Variants in ZNF730 observed in about 807,000 individuals in gnomAD.
ZNF730 encodes the protein putative zinc finger protein 730.
Under a neutral mutation model 12.6 loss-of-function variants are expected in ZNF730, and 12 were observed. That is an observed-to-expected ratio of 0.95 (90% confidence interval 0.61 to 1.54). The LOEUF (loss-of-function observed/expected upper bound fraction) is 1.54. ZNF730 is among the 40% of genes most tolerant of loss of function. The probability of loss-of-function intolerance (pLI) is 0.00; values close to 1 mark genes in which losing one functional copy is unlikely to be tolerated. For missense variants in ZNF730, 643 were observed against 583.5 expected, an observed-to-expected ratio of 1.10 and a Z score of -1.05; for synonymous variants, 194 against 195.8, an observed-to-expected ratio of 0.99 and a Z score of 0.08.
intron 1 of ZNF730, among the ~76,000 whole-genome samples, chr19:23,091,560 G>C (rs1371178352): frequency 6.6e-6 from 1 of 152,206 alleles, no homozygotes; most frequent in African/African-American, 2.4e-5. Context: ...AGCTGTTCCG[G>C]ATCATGGGAA....
intron 1 of ZNF730, among the ~76,000 whole-genome samples, chr19:23,085,609 G>T (rs1226829101): frequency 4.3e-5 from 6 of 139,782 alleles, no homozygotes; most frequent in African/African-American, 1.6e-4. Context: ...CTCCCAGATT[G>T]AAGCGATTCT....
intron 1 of ZNF730, among the ~76,000 whole-genome samples, chr19:23,111,866 G>A (rs1045569947): frequency 1.5e-5 from 1 of 66,052 alleles, no homozygotes; most frequent in African/African-American, 5.7e-5. Context: ...AAAATATGTT[G>A]GCCATTTAAA....
At chr19:23,092,908 C>A (rs1389860003) in intron 1 of ZNF730, among the ~76,000 whole-genome samples, 1 of 152,100 alleles carries the variant, frequency 6.6e-6, no homozygotes, top group Non-Finnish European at 1.5e-5. Context: ...TTGTTGTACT[C>A]TGTTGGGTTT....
intron 3 of ZNF730, among the ~76,000 whole-genome samples, chr19:23,144,614 C>T (rs938249392): frequency 2.1e-5 from 3 of 142,440 alleles, no homozygotes; most frequent in African/African-American, 5.1e-5. Flanking sequence ...TCAGGAGAAT[C>T]GCCTGAACCT....
rs113278715 is a variant in ZNF730, at chr19:23,094,208, T to G, written c.-94+18821T>G. Among the ~76,000 whole-genome samples the G allele has an allele frequency of 2.4e-3, 352 of 149,170 alleles. 3 individuals carry two copies. The highest frequency in any genetic ancestry group is 7.6e-3 in the African/African-American group (308 of 40,604). On this transcript the variant is annotated intron_variant, in intron 1 of 2. Transcript: ENST00000593635. ...GTTTCCACAGTACATTGAATTGCTG[T>G]TTTTTTTTTCTTTCTTTTCTCTCTG...
At chr19:23,138,282 CAAAAA>C (rs1315758966) in intron 3 of ZNF730, among the ~76,000 whole-genome samples, 1 of 9,460 alleles carries the variant, frequency 1.1e-4, no homozygotes, top group African/African-American at 2.6e-4. Context: ...GACTCCGTCT[CAAAAA>C]AAAAAAAAAA....
chr19:23,146,143 C>T lies in ZNF730; in HGVS notation c.1099C>T (p.Pro367Ser). ...TAAGATAACTCATACTGGAGGGAAA[C>T]CCTACAAATATAAAGAATGTGGTAA... ...RHKITHTGGK[P>S]YKYKECGKAF... is the part of the protein sequence containing the mutation. Residue 367 changes from proline (P) to serine (S), a missense_variant, in exon 4 of 4, where the codon CCC becomes TCC. Coordinates refer to ENST00000597761, the MANE Select transcript of ZNF730 (RefSeq NM_001277403.2). The T allele has an allele frequency of 1.2e-6, 2 of 1,607,900 alleles. No individual in the cohort carries two copies. The highest frequency in any genetic ancestry group is 1.7e-6 in the Non-Finnish European group (2 of 1,176,892).
intron 1 of ZNF730, among the ~76,000 whole-genome samples, chr19:23,078,258 A>G (rs561606847): frequency 6.3e-4 from 96 of 152,136 alleles, no homozygotes; most frequent in Admixed American, 1.4e-3. Context: ...TTTATAGTAG[A>G]ATATAGTAGA....
At chr19:23,114,497 ATTTTTATTTTATTTAT>A (rs1568309621), upstream of ZNF730, among the ~76,000 whole-genome samples, 1 of 120,142 alleles carries the variant, frequency 8.3e-6, no homozygotes, top group African/African-American at 2.6e-5. Context: ...ATTTATTTTT[ATTTTTATTTTATTTAT>A]TTTTATTTAT....
intron 1 of ZNF730, among the ~76,000 whole-genome samples, chr19:23,119,309 AGTTT>A (rs1350352906): frequency 2.0e-5 from 3 of 152,206 alleles, no homozygotes; most frequent in African/African-American, 4.8e-5. Flanking sequence ...TTTTATCTGT[AGTTT>A]GTTTATCTGA....
At chr19:23,077,573 G>A (rs1229840880) in intron 1 of ZNF730, among the ~76,000 whole-genome samples, 1 of 151,600 alleles carries the variant, frequency 6.6e-6, no homozygotes, top group African/African-American at 2.4e-5. Context: ...GAGTAGCTGG[G>A]ATTATAGGCA....
chr19:23,083,557 G>A (rs375696075), intron 1 of ZNF730, among the ~76,000 whole-genome samples: 94 of 150,600 alleles, frequency 6.2e-4, no homozygotes, highest in African/African-American at 2.2e-3. Context: ...CCAACAGTGT[G>A]TATGTGTTTC....
chr19:23,105,393 G>A (rs1001300722), intron 1 of ZNF730, among the ~76,000 whole-genome samples: 56 of 151,932 alleles, frequency 3.7e-4, no homozygotes, highest in African/African-American at 9.9e-4. Context: ...GATTACAGGC[G>A]TGAGCTACCA....
At chr19:23,100,191 C>T (rs1970314236) in intron 1 of ZNF730, 1 of 152,162 alleles carries the variant, frequency 6.6e-6, no homozygotes, top group Non-Finnish European at 1.5e-5. Flanking sequence ...CTTCCTGGTC[C>T]ATGCCCTCAG....
At chr19:23,089,139 G>C (rs62122963) in intron 1 of ZNF730, among the ~76,000 whole-genome samples, 2,614 of 152,254 alleles carry the variant, frequency 0.017, 58 homozygotes, top group African/African-American at 0.058. Flanking sequence ...CCCAAGTGTT[G>C]GGCTTACAGG....
At chr19:23,115,314 T>G (rs571115645), upstream of ZNF730, among the ~76,000 whole-genome samples, 1 of 152,290 alleles carries the variant, frequency 6.6e-6, no homozygotes, top group South Asian at 2.1e-4. Flanking sequence ...GACAAGTTTC[T>G]TCATGTGAAA....
At chr19:23,113,569 C>T (rs1003582979), upstream of ZNF730, among the ~76,000 whole-genome samples, 7 of 152,114 alleles carry the variant, frequency 4.6e-5, no homozygotes, top group East Asian at 1.9e-4. Context: ...TATTAGAGGC[C>T]ATCATTCTGG....
rs1971005390 is a variant in ZNF730, at chr19:23,146,122, AT to A, written c.1079del (p.Ile360LysfsTer29). The A allele has an allele frequency of 6.2e-7, 1 of 1,609,882 alleles. No individual in the cohort carries two copies. Among genetic ancestry groups the A allele is most frequent in the African/African-American group, 1.3e-5 (1 of 74,752 alleles). Reference protein sequence around the residue: ...NRSSTLNRHKITHTGGKPYKY... With the variant: ...NRSSTLNRHKXTHTGGKPYKY... ...ATCCTCAACCCTTAATAGACATAAG[AT>A]AACTCATACTGGAGGGAAACCCTAC... is the stretch of plus-strand genomic sequence containing the variant. On this transcript the variant is annotated frameshift_variant, in exon 4 of 4. Coordinates refer to ENST00000597761, the MANE Select transcript of ZNF730 (RefSeq NM_001277403.2). LOFTEE classifies it low-confidence loss of function (END_TRUNC).
rs1970694164 is a variant in ZNF730, at chr19:23,128,150, G to A, written c.4-5930G>A. 5.6e-6 allele frequency: 5 copies of A among 899,928 alleles called. No homozygotes were observed. The South Asian group carries it at 6.5e-5, about 12-fold the overall frequency. The allele number at this position is 899,928 out of a possible 1,614,324, so 55.7% of individuals were successfully genotyped here. A position where few individuals can be genotyped will look rare whatever the true frequency, so the allele number is the denominator to read the frequency against. ...ACTACCACTGGCAATAAAGTTTTTG[G>A]TTCCCTGAAGAGAGCAGTAGATGGA... On this transcript the variant is annotated intron_variant, in intron 1 of 3. Transcript: ENST00000597761.
Sources: gnomAD v4.1 joint callset for allele counts (sites outside exome capture counted in the v4.1 genomes callset) on GRCh38, gnomAD v4.1.1 for gene constraint, MANE v1.5 for transcripts, NCBI Gene and HGNC (gene_info 2026-07-23, HGNC 2026-07-21) for gene names.